TANGO6: variants seen among roughly 807,000 people sequenced by gnomAD.
TANGO6 encodes transport and golgi organization 6 homolog, also known as transport and Golgi organization protein 6 homolog.
A neutral mutation model predicts 114.2 loss-of-function variants in TANGO6; 90 were observed. The observed-to-expected ratio is 0.79, with a 90% confidence interval of 0.66 to 0.94. The LOEUF (loss-of-function observed/expected upper bound fraction) is 0.94. Among genes scored for constraint, TANGO6 ranks in the 40% least tolerant of loss-of-function variants. The pLI, the probability that TANGO6 is intolerant of heterozygous loss-of-function variation, is 0.00. For synonymous variants in TANGO6, 477 were observed against 509.8 expected, an observed-to-expected ratio of 0.94 and a Z score of 0.87; for missense variants, 1,274 against 1,315.3, an observed-to-expected ratio of 0.97 and a Z score of 0.49.
At chr16:69,009,637 C>G (rs913067326) in intron 15 of TANGO6, among the ~76,000 whole-genome samples, 1 of 152,150 alleles carries the variant, frequency 6.6e-6, no homozygotes, top group African/African-American at 2.4e-5. Flanking sequence ...TGTAGGTCAA[C>G]TTTGGATATT....
chr16:68,858,777 C>T (rs538614822), intron 1 of TANGO6, among the ~76,000 whole-genome samples: 1 of 152,278 alleles, frequency 6.6e-6, no homozygotes, highest in East Asian at 1.9e-4. Flanking sequence ...GCCACTGTGC[C>T]TGGTCCTTTT....
chr16:68,880,715 G>A, intron 7 of TANGO6, 85 bp downstream of exon 7: 1 of 923,200 alleles, frequency 1.1e-6, no homozygotes, highest in Non-Finnish European at 1.5e-6. Context: ...AGAGATGGTG[G>A]GGTCTCACCA....
At chr16:69,016,807 G>A (rs1372511305) in intron 15 of TANGO6, among the ~76,000 whole-genome samples, 1 of 151,930 alleles carries the variant, frequency 6.6e-6, no homozygotes, top group Admixed American at 6.6e-5. Context: ...CCACAGGCAG[G>A]CACCACCACA....
chr16:68,907,271 C>G (rs1470052757), intron 9 of TANGO6, among the ~76,000 whole-genome samples, 172 bp from the exon 10 acceptor site: 1 of 151,998 alleles, frequency 6.6e-6, no homozygotes, highest in Non-Finnish European at 1.5e-5. Context: ...TTCTGATAAT[C>G]AATACTTTTT....
rs535175993 is a variant in TANGO6 at position 68,922,296 on chromosome 16, G to A, written c.2127+3077G>A. On this transcript the variant is annotated intron_variant, in intron 12 of 17. Transcript: ENST00000261778. Reference sequence around the variant, plus strand: ...CTTATGCCTGTAATCCTAGGACTTCGGGAGGCCAAGTCGGGTGGATCACGA... The same window carrying A: ...CTTATGCCTGTAATCCTAGGACTTCAGGAGGCCAAGTCGGGTGGATCACGA... Among the ~76,000 whole-genome samples the A allele has an allele frequency of 2.6e-5, 4 of 151,838 alleles. No homozygotes were observed. The South Asian group carries it at 6.2e-4, about 24-fold the overall frequency.
chr16:68,898,956 T>TTAA (rs1167636839), intron 7 of TANGO6, among the ~76,000 whole-genome samples: 1 of 132,932 alleles, frequency 7.5e-6, no homozygotes, highest in Admixed American at 7.1e-5. Flanking sequence ...CTTATTATTA[T>TTAA]TATTATTATT....
chr16:68,971,138 G>A (rs1162314592), intron 14 of TANGO6, among the ~76,000 whole-genome samples: 10 of 147,154 alleles, frequency 6.8e-5, no homozygotes, highest in African/African-American at 2.3e-4. Context: ...GTGACAGAGC[G>A]AGACTCCATC....
chr16:68,946,196 CT>C (rs1314475382), intron 14 of TANGO6, among the ~76,000 whole-genome samples: 5,459 of 144,454 alleles, frequency 0.038, 288 homozygotes, highest in African/African-American at 0.12. Flanking sequence ...TCTTCTTCTT[CT>C]TTTTTTTTTT....
intron 11 of TANGO6, among the ~76,000 whole-genome samples, chr16:68,914,323 G>T (rs1007742455): frequency 6.6e-6 from 1 of 152,046 alleles, no homozygotes; most frequent in Non-Finnish European, 1.5e-5. Context: ...AACCATGCCC[G>T]GCTAATTTTT....
At chr16:68,895,439 A>C (rs1201326748) in intron 7 of TANGO6, among the ~76,000 whole-genome samples, 1 of 152,232 alleles carries the variant, frequency 6.6e-6, no homozygotes, top group Non-Finnish European at 1.5e-5. Context: ...CTATTCACCA[A>C]AAATTCAGGT....
chr16:68,918,129 G>A (rs1963033956), intron 11 of TANGO6, among the ~76,000 whole-genome samples: 1 of 151,846 alleles, frequency 6.6e-6, no homozygotes, highest in Non-Finnish European at 1.5e-5. Context: ...GGCTGGTCTC[G>A]ACTCCTAACC....
Position 68,928,014 on chromosome 16 carries a change from G to A in TANGO6, c.2574G>A (p.Leu858=). The stretch of plus-strand genomic sequence containing the variant: ...AAATTCCAACACGGGCTGCTGCCCT[G>A]CGTACTCTTTCCCACTGGATAGAGC... ...DPQIPTRAAA[L]RTLSHWIEQR... is the part of the protein sequence containing the mutation. The change falls in exon 13 of 18, where the codon CTG becomes CTA. Residue 858 remains leucine, a synonymous_variant. Transcript: ENST00000261778. 4.4e-6 allele frequency: 7 copies of A among 1,609,168 alleles called. No homozygotes were observed. The highest frequency in any genetic ancestry group is 3.3e-5 in the South Asian group (3 of 90,056).
chr16:69,076,088 C>CTTTTTTT lies in TANGO6; in HGVS notation c.3109-7382_3109-7376dup, dbSNP rs34844519. ...TGAATTCAACATTTTTATTTCATTT[C>CTTTTTTT]TTTTTTTTTTTTTTTTTTTTTGAGA... On this transcript the variant is annotated intron_variant, in intron 17 of 17. Transcript: ENST00000261778. 1.2e-3 allele frequency among the ~76,000 whole-genome samples: 102 copies of CTTTTTTT among 85,646 alleles called. 3 individuals carry two copies. Among genetic ancestry groups the CTTTTTTT allele is most frequent in the African/African-American group, 1.4e-3 (28 of 20,542 alleles). The allele number at this position is 85,646 out of a possible 152,430, so 56.2% of individuals were successfully genotyped here. A position where few individuals can be genotyped will look rare whatever the true frequency, so the allele number is the denominator to read the frequency against.
At chr16:69,060,147 G>A (rs1270525507) in intron 17 of TANGO6, among the ~76,000 whole-genome samples, 2 of 152,062 alleles carry the variant, frequency 1.3e-5, no homozygotes, top group Non-Finnish European at 2.9e-5. Flanking sequence ...TCCGCTACAT[G>A]TTATACTTTT....
intron 16 of TANGO6, chr16:69,026,002 CT>C (rs370610919): frequency 0.034 from 4,855 of 144,268 alleles, 247 homozygotes; most frequent in African/African-American, 0.11. Context: ...CAAACTTTTT[CT>C]TTTTTTTTTT....
chr16:68,863,194 C>A (rs1053207261), intron 3 of TANGO6, 133 bp downstream of exon 3: 18 of 524,432 alleles, frequency 3.4e-5, no homozygotes, highest in Non-Finnish European at 5.3e-5. Flanking sequence ...TCTTTTAGAT[C>A]ATAAAATGAT....
intron 14 of TANGO6, chr16:68,972,923 T>A (rs2152212658): frequency 3.5e-6 from 1 of 284,690 alleles, no homozygotes; most frequent in Non-Finnish European, 6.9e-6. Flanking sequence ...GGCCGACTCC[T>A]CCGAGCCAGG....
At chr16:69,044,975 C>T (rs1351831717) in intron 17 of TANGO6, among the ~76,000 whole-genome samples, 1 of 151,800 alleles carries the variant, frequency 6.6e-6, no homozygotes, top group Non-Finnish European at 1.5e-5. Context: ...GCCTGACCAA[C>T]ATAGTGAAAC....
intron 16 of TANGO6, among the ~76,000 whole-genome samples, chr16:69,029,831 G>A (rs185794481): frequency 2.8e-4 from 42 of 152,176 alleles, no homozygotes; most frequent in African/African-American, 9.9e-4. Flanking sequence ...GAACAGGCCG[G>A]GTGTGGTGGC....
Sources: gnomAD v4.1 joint callset for allele counts (sites outside exome capture counted in the v4.1 genomes callset) on GRCh38, gnomAD v4.1.1 for gene constraint, MANE v1.5 for transcripts, NCBI Gene and HGNC (gene_info 2026-07-23, HGNC 2026-07-21) for gene names.